The following GALNTL6 variants were observed in gnomAD, a reference collection of about 807,000 sequenced individuals.
GALNTL6 encodes polypeptide N-acetylgalactosaminyltransferase like 6.
Under a neutral mutation model 73.7 loss-of-function variants are expected in GALNTL6, and 46 were observed. The ratio of observed to expected loss-of-function variants is 0.62; its 90% CI spans 0.49 to 0.80. GALNTL6 has a LOEUF of 0.80. GALNTL6 is among the 30% of genes least tolerant of loss of function. The probability of loss-of-function intolerance (pLI) is 0.00; values close to 1 mark genes in which losing one functional copy is unlikely to be tolerated. For missense variants in GALNTL6, 604 were observed against 755.0 expected (o/e 0.80, Z 2.34); for synonymous variants, 259 against 263.7 (o/e 0.98, Z 0.17).
chr4:172,742,741 A>C (rs181293694), intron 5 of GALNTL6, among the ~76,000 whole-genome samples: 1 of 152,184 alleles, frequency 6.6e-6, no homozygotes, highest in East Asian at 1.9e-4. Flanking sequence ...ATACTGCTTA[A>C]AATCTGCTGA....
In GALNTL6 at chr4:172,352,870, T is replaced by A. The variant is rs567755372; in HGVS notation, c.553+4181T>A. ...GTTGAATATTTGAGTTTCAGAAAGA[T>A]CTGTTATTCTCCATGTACTATTTAG... On this transcript the variant is annotated intron_variant, in intron 5 of 12. Transcript: ENST00000506823. Among the ~76,000 whole-genome samples the A allele has an allele frequency of 3.3e-5, 5 of 152,110 alleles. No homozygotes were observed. In the East Asian group the frequency reaches 9.7e-4, roughly 30 times the overall value.
intron 4 of GALNTL6, among the ~76,000 whole-genome samples, chr4:172,319,457 G>A (rs989928124): frequency 2.0e-5 from 3 of 152,116 alleles, no homozygotes; most frequent in Non-Finnish European, 4.4e-5. Flanking sequence ...CATTTATAAA[G>A]ATTCTTGATT....
intron 5 of GALNTL6, among the ~76,000 whole-genome samples, chr4:172,465,800 T>G (rs1732791809): frequency 6.6e-6 from 1 of 152,202 alleles, no homozygotes; most frequent in Admixed American, 6.5e-5. Flanking sequence ...ATAATACAAG[T>G]TTTTCTGAAT....
At chr4:172,913,058 A>G (rs1415911028) in intron 8 of GALNTL6, among the ~76,000 whole-genome samples, 1 of 152,220 alleles carries the variant, frequency 6.6e-6, no homozygotes, top group Non-Finnish European at 1.5e-5. Context: ...CCGTTCTGCA[A>G]TATTTGCTGT....
chr4:172,992,505 A>T (rs890910499), intron 10 of GALNTL6, among the ~76,000 whole-genome samples: 4 of 152,192 alleles, frequency 2.6e-5, no homozygotes, highest in African/African-American at 9.6e-5. Context: ...CTGGCAAAAT[A>T]ATTTGATTTA....
intron 5 of GALNTL6, among the ~76,000 whole-genome samples, chr4:172,759,135 A>G (rs1426217889): frequency 6.6e-6 from 1 of 152,230 alleles, no homozygotes; most frequent in Non-Finnish European, 1.5e-5. Flanking sequence ...AAGAAGAGGA[A>G]GAGGGCATTG....
At chr4:172,407,924 T>C (rs1007175036) in intron 5 of GALNTL6, among the ~76,000 whole-genome samples, 9 of 152,200 alleles carry the variant, frequency 5.9e-5, no homozygotes, top group African/African-American at 1.9e-4. Flanking sequence ...ACAAACCAAA[T>C]CTTTCTTCTA....
intron 5 of GALNTL6, among the ~76,000 whole-genome samples, chr4:172,632,321 G>A (rs1156858162): frequency 2.0e-5 from 3 of 152,208 alleles, no homozygotes; most frequent in Non-Finnish European, 4.4e-5. Flanking sequence ...ATGTGGGAAA[G>A]TTTGGAACGT....
chr4:172,586,473 C>G (rs960772377), intron 5 of GALNTL6, among the ~76,000 whole-genome samples: 4 of 88,330 alleles, frequency 4.5e-5, no homozygotes, highest in African/African-American at 1.7e-4. Flanking sequence ...TCTGGGAATT[C>G]AGAAAAAAAA....
At chr4:172,545,402 T>C (rs1420152631) in intron 5 of GALNTL6, among the ~76,000 whole-genome samples, 1 of 152,170 alleles carries the variant, frequency 6.6e-6, no homozygotes, top group Non-Finnish European at 1.5e-5. Flanking sequence ...AAAATAGACA[T>C]TTGAAAAGCT....
rs1391082802 is a variant in GALNTL6 at position 172,981,326 on chromosome 4, C to T, written c.1372-27852C>T. On this transcript the variant is annotated intron_variant, in intron 10 of 12. Transcript: ENST00000506823. ...ATTTGGCATTCCTACCAACAGTGCACGAGGGTTCCAATTTCTCCACATACT... is the reference window on the plus strand; with the variant it reads ...ATTTGGCATTCCTACCAACAGTGCATGAGGGTTCCAATTTCTCCACATACT... 3.3e-5 allele frequency among the ~76,000 whole-genome samples: 5 copies of T among 152,292 alleles called. No homozygotes were observed. In the East Asian group the frequency reaches 5.8e-4, roughly 18 times the overall value.
intron 2 of GALNTL6, among the ~76,000 whole-genome samples, chr4:171,935,698 T>C (rs1369030956): frequency 2.0e-5 from 3 of 152,184 alleles, no homozygotes; most frequent in African/African-American, 7.2e-5. Context: ...ATATTTTTGA[T>C]AACACTTTTA....
chr4:172,424,926 C>G (rs1731176214), intron 5 of GALNTL6, among the ~76,000 whole-genome samples: 1 of 151,524 alleles, frequency 6.6e-6, no homozygotes, highest in Admixed American at 6.6e-5. Context: ...TTTGTCATCT[C>G]AAAGCCAGAT....
intron 2 of GALNTL6, among the ~76,000 whole-genome samples, chr4:172,032,946 A>G (rs1468521838): frequency 6.6e-6 from 1 of 151,992 alleles, no homozygotes; most frequent in East Asian, 1.9e-4. Context: ...TTAGACATAT[A>G]CTGTATTCTT....
chr4:172,980,018 G>A (rs1389713225), intron 10 of GALNTL6, among the ~76,000 whole-genome samples: 1 of 152,164 alleles, frequency 6.6e-6, no homozygotes, highest in Non-Finnish European at 1.5e-5. Flanking sequence ...TGCATAAAAT[G>A]AGGGTGAAAC....
At chr4:172,966,915 T>C (rs1750357259) in intron 10 of GALNTL6, among the ~76,000 whole-genome samples, 1 of 152,176 alleles carries the variant, frequency 6.6e-6, no homozygotes, top group Admixed American at 6.5e-5. Context: ...TCTCTTACAT[T>C]CACAGGAGAG....
At chr4:172,963,531 T>G (rs1302206256) in intron 10 of GALNTL6, among the ~76,000 whole-genome samples, 2 of 152,252 alleles carry the variant, frequency 1.3e-5, no homozygotes, top group Non-Finnish European at 2.9e-5. Context: ...AGACATAGTG[T>G]CTAGCATATA....
chr4:172,838,933 C>G (rs1299299236), intron 7 of GALNTL6, among the ~76,000 whole-genome samples: 1 of 152,148 alleles, frequency 6.6e-6, no homozygotes, highest in Admixed American at 6.5e-5. Context: ...ATTAGATTAT[C>G]CAACTAGAGC....
chr4:171,849,034 T>A (rs932633471), intron 2 of GALNTL6, among the ~76,000 whole-genome samples: 1 of 152,138 alleles, frequency 6.6e-6, no homozygotes, highest in African/African-American at 2.4e-5. Context: ...GCCTGAATAG[T>A]GTACATTGTG....
Sources: allele counts gnomAD v4.1 joint callset (sites outside exome capture counted in the v4.1 genomes callset), GRCh38; gene constraint gnomAD v4.1.1; transcripts MANE v1.5; gene names NCBI Gene and HGNC (gene_info 2026-07-23, HGNC 2026-07-21).